Variants in DCAF8 observed in about 807,000 individuals in gnomAD.
DCAF8 encodes the protein DDB1- and CUL4-associated factor 8.
A neutral mutation model predicts 68.0 loss-of-function variants in DCAF8; 20 were observed. The observed-to-expected ratio is 0.29, with a 90% CI of 0.21 to 0.43. DCAF8 has a LOEUF of 0.43. DCAF8 is among the 20% of genes least tolerant of loss of function. DCAF8 has a pLI of 1.00. For missense variants in DCAF8, 460 were observed against 771.0 expected (o/e 0.60, Z 4.78); for synonymous variants, 230 against 276.9 (o/e 0.83, Z 1.68).
At chr1:160,248,848 C>T (rs540490427) in intron 2 of DCAF8, among the ~76,000 whole-genome samples, 2 of 151,668 alleles carry the variant, frequency 1.3e-5, no homozygotes, top group Non-Finnish European at 2.9e-5. Flanking sequence ...GAGCTATGAT[C>T]CTGCTACTCA....
rs74125514 is a variant in DCAF8, at chr1:160,224,371, C to T, written c.1309+71G>A. ...AGGCAGGTAGTTTCTATTTGTATAACCTGAGTAAGACACTGTGGTTCTCCA... is the reference window on the plus strand; with the variant it reads ...AGGCAGGTAGTTTCTATTTGTATAATCTGAGTAAGACACTGTGGTTCTCCA... On this transcript the variant is annotated intron_variant, in intron 10 of 13. Coordinates refer to ENST00000368074, the MANE Select transcript of DCAF8 (RefSeq NM_015726.4). 8,451 of 1,154,404 alleles carry T rather than the reference C, an allele frequency of 7.3e-3. 407 individuals are homozygous for T. The African/African-American group carries it at 0.11, about 16-fold the overall frequency. 71.5% of individuals were successfully genotyped at this position (1,154,404 alleles called of 1,614,324 possible).
intron 2 of DCAF8, among the ~76,000 whole-genome samples, chr1:160,260,089 A>G (rs960499240): frequency 7.5e-6 from 1 of 133,276 alleles, no homozygotes; most frequent in Non-Finnish European, 1.5e-5. Context: ...GATGTGCAAA[A>G]AAAAAAAACC....
chr1:160,254,053 G>A (rs181511243), intron 2 of DCAF8, among the ~76,000 whole-genome samples: 110 of 152,282 alleles, frequency 7.2e-4, no homozygotes, highest in Admixed American at 3.3e-3. Flanking sequence ...GGATGGGTGC[G>A]TGGCTCATGC....
intron 9 of DCAF8, among the ~76,000 whole-genome samples, chr1:160,224,849 C>T (rs1655412839): frequency 6.6e-6 from 1 of 152,248 alleles, no homozygotes; most frequent in Non-Finnish European, 1.5e-5. Flanking sequence ...TGCCAAATAT[C>T]ATCTGCAGCA....
chr1:160,240,006 G>A lies in DCAF8; in HGVS notation c.414C>T (p.Asp138=). The change falls in exon 4 of 14, where the codon GAC becomes GAT. Residue 138 remains aspartate, a synonymous_variant. Coordinates refer to ENST00000368074, the MANE Select transcript of DCAF8 (RefSeq NM_015726.4). ...GAGCTGATGTTTCTGAGGACACCCA[G>A]TCCTCTAGGGCCCGCTCATCATCTG... ...DSSDDERALE[D]WVSSETSALP... 1.2e-6 allele frequency: 2 copies of A among 1,614,246 alleles called. No homozygotes were observed. Among genetic ancestry groups the A allele is most frequent in the Non-Finnish European group, 1.7e-6 (2 of 1,180,050 alleles).
intron 5 of DCAF8, among the ~76,000 whole-genome samples, 180 bp from the exon 6 acceptor site, chr1:160,237,409 G>A (rs1469984180): frequency 6.6e-6 from 1 of 152,206 alleles, no homozygotes; most frequent in Admixed American, 6.5e-5. Context: ...CTTGTTCTAT[G>A]CGAATTATTT....
intron 2 of DCAF8, among the ~76,000 whole-genome samples, chr1:160,257,642 T>G (rs1049456844): frequency 1.3e-5 from 2 of 152,360 alleles, no homozygotes; most frequent in East Asian, 3.9e-4. Context: ...GAGGCTGCTT[T>G]CTTTCAGCTC....
At chr1:160,247,952 T>C (rs1207334600) in intron 2 of DCAF8, among the ~76,000 whole-genome samples, 2 of 152,196 alleles carry the variant, frequency 1.3e-5, no homozygotes. Context: ...CAACAATTTC[T>C]TAGGATAGGA....
chr1:160,249,364 G>A (rs556975421), intron 2 of DCAF8, among the ~76,000 whole-genome samples: 1 of 152,276 alleles, frequency 6.6e-6, no homozygotes, highest in East Asian at 1.9e-4. Flanking sequence ...CTAACAAGAA[G>A]TAGAGCAACT....
chr1:160,220,901 C>T (rs1655272865), intron 11 of DCAF8: 1 of 152,054 alleles, frequency 6.6e-6, no homozygotes, highest in Non-Finnish European at 1.5e-5. Context: ...AAATTAGGAC[C>T]AAAAAACAGA....
Position 160,216,459 on chromosome 1 carries a change from A to C in DCAF8, c.*1133T>G, listed in dbSNP as rs1655123184. The C allele has an allele frequency of 6.6e-6, 1 of 152,384 alleles. No homozygotes were observed. The highest frequency in any genetic ancestry group is 2.4e-5 in the African/African-American group (1 of 41,442). The allele number at this position is 152,384 out of a possible 1,614,324, so 9.4% of individuals were successfully genotyped here. On this transcript the variant is annotated 3_prime_UTR_variant, in exon 14 of 14. Coordinates refer to ENST00000368074, the MANE Select transcript of DCAF8 (RefSeq NM_015726.4). ...GGAACCCCCTACAAGACTTAAGGAG[A>C]GGTAGGAGATCTGAGGCAGAGCTGA...
chr1:160,243,140 T>C (rs1420154025), intron 3 of DCAF8, among the ~76,000 whole-genome samples: 2 of 152,202 alleles, frequency 1.3e-5, no homozygotes, highest in Non-Finnish European at 2.9e-5. Flanking sequence ...CTTCTCTAAT[T>C]TAAAAGTTGG....
chr1:160,232,903 G>C (rs563270515), intron 6 of DCAF8, among the ~76,000 whole-genome samples: 12 of 152,160 alleles, frequency 7.9e-5, no homozygotes, highest in Non-Finnish European at 1.6e-4. Flanking sequence ...AGAATAATCT[G>C]TCTAAAACAG....
Position 160,255,616 on chromosome 1 carries a change from GTTT to G in DCAF8, c.-27+5666_-27+5668del, listed in dbSNP as rs534507682. Among the ~76,000 whole-genome samples, 230 of 152,010 alleles carry G rather than the reference GTTT, an allele frequency of 1.5e-3. 1 individual carries two copies. Among genetic ancestry groups the G allele is most frequent in the African/African-American group, 5.1e-3 (211 of 41,498 alleles). ...TTATAGTTTACTGGCTTTAATTATT[GTTT>G]TTTTATTTTTATTTTTTTGAGACAG... On this transcript the variant is annotated intron_variant, in intron 2 of 13. Transcript: ENST00000368074.
At chr1:160,220,425 G>C (rs1350995708) in intron 11 of DCAF8, 1 of 152,278 alleles carries the variant, frequency 6.6e-6, no homozygotes, top group Non-Finnish European at 1.5e-5. Flanking sequence ...GAAAAAGCCA[G>C]TGGCAAGAGG....
chr1:160,219,885 GA>G (rs1408481001), intron 11 of DCAF8: 2 of 152,236 alleles, frequency 1.3e-5, no homozygotes, highest in African/African-American at 4.8e-5. Context: ...GTCTTTTAGT[GA>G]AAAGAGGAAC....
intron 2 of DCAF8, among the ~76,000 whole-genome samples, chr1:160,259,697 A>G (rs1656989668): frequency 6.6e-6 from 1 of 152,334 alleles, no homozygotes; most frequent in African/African-American, 2.4e-5. Context: ...CATGGCAAAA[A>G]AGGAAAGTAT....
At chr1:160,239,531 AAG>A in intron 4 of DCAF8, 164 bp downstream of exon 4, 2 of 1,532,776 alleles carry the variant, frequency 1.3e-6, no homozygotes, top group South Asian at 2.5e-5. Flanking sequence ...TAGGGTTGCC[AAG>A]AGTCTTTCAG....
At chr1:160,256,795 CA>C (rs2101772477) in intron 2 of DCAF8, among the ~76,000 whole-genome samples, 1 of 152,332 alleles carries the variant, frequency 6.6e-6, no homozygotes, top group African/African-American at 2.4e-5. Flanking sequence ...AACCTCAAGG[CA>C]GCCTCCGTTC....
Sources: allele counts gnomAD v4.1 joint callset (sites outside exome capture counted in the v4.1 genomes callset), GRCh38; gene constraint gnomAD v4.1.1; transcripts MANE v1.5; gene names NCBI Gene and HGNC (gene_info 2026-07-23, HGNC 2026-07-21).